Variants in LARGE1 observed in about 807,000 individuals in gnomAD.
The protein encoded by LARGE1 is LARGE xylosyl- and glucuronyltransferase 1.
LARGE1 carries 43 observed loss-of-function variants against 87.6 expected under a neutral mutation model. The ratio of observed to expected loss-of-function variants is 0.49; its 90% confidence interval spans 0.38 to 0.63. The LOEUF (loss-of-function observed/expected upper bound fraction) is 0.63, where lower values mean the gene tolerates loss of function less well. Among genes scored for constraint, LARGE1 ranks in the 30% least tolerant of loss-of-function variants. The pLI is 0.00. For synonymous variants in LARGE1, 434 were observed against 394.6 expected, an observed-to-expected ratio of 1.10 and a Z score of -1.18; for missense variants, 802 against 1,000.2, an observed-to-expected ratio of 0.80 and a Z score of 2.67.
At chr22:33,476,725 G>GA (rs935625552) in intron 6 of LARGE1, among the ~76,000 whole-genome samples, 8 of 80,688 alleles carry the variant, frequency 9.9e-5, no homozygotes, top group African/African-American at 5.5e-4. Context: ...AAGAATACTA[G>GA]GTATTAACTA....
chr22:33,112,325 G>A, the LARGE1 span, among the ~76,000 whole-genome samples: 1 of 152,218 alleles, frequency 6.6e-6, no homozygotes, highest in Non-Finnish European at 1.5e-5. Flanking sequence ...ACTGAGTTAA[G>A]TCTCACATTT....
At chr22:33,420,561 G>C (rs1445597207) in intron 7 of LARGE1, among the ~76,000 whole-genome samples, 1 of 152,194 alleles carries the variant, frequency 6.6e-6, no homozygotes, top group African/African-American at 2.4e-5. Context: ...AGAGTGGCTG[G>C]AGTGGAGCGA....
At chr22:33,634,872 T>C (rs989658869) in intron 3 of LARGE1, among the ~76,000 whole-genome samples, 4 of 152,058 alleles carry the variant, frequency 2.6e-5, no homozygotes, top group South Asian at 2.1e-4. Context: ...CTCACGCCTG[T>C]AATCCCAGCA....
intron 6 of LARGE1, among the ~76,000 whole-genome samples, chr22:33,560,037 C>T (rs1432251304): frequency 6.6e-6 from 1 of 152,144 alleles, no homozygotes; most frequent in Admixed American, 6.5e-5. Flanking sequence ...TCTCTTACTC[C>T]TCTTCAAGGG....
chr22:33,426,928 T>C (rs1285842173), intron 7 of LARGE1, among the ~76,000 whole-genome samples: 1 of 152,242 alleles, frequency 6.6e-6, no homozygotes, highest in African/African-American at 2.4e-5. Flanking sequence ...TGGGGTCCCA[T>C]GCAAATAAAC....
chr22:33,708,152 G>GA (rs942522725), intron 2 of LARGE1, among the ~76,000 whole-genome samples: 1 of 150,626 alleles, frequency 6.6e-6, no homozygotes, highest in African/African-American at 2.4e-5. Context: ...TCCCAGAGGA[G>GA]AAAAGAGTGT....
chr22:33,812,982 C>A (rs940382204), intron 1 of LARGE1, among the ~76,000 whole-genome samples: 3 of 152,118 alleles, frequency 2.0e-5, no homozygotes, highest in Non-Finnish European at 4.4e-5. Flanking sequence ...TTAGGTGGTA[C>A]CAAATTGGCA....
At chr22:33,607,540 C>G (rs1197302679) in intron 4 of LARGE1, among the ~76,000 whole-genome samples, 1 of 145,198 alleles carries the variant, frequency 6.9e-6, no homozygotes, top group Non-Finnish European at 1.5e-5. Context: ...TTCAGGAGAA[C>G]AGATATTAGA....
At chr22:33,746,274 T>C (rs527960401) in intron 2 of LARGE1, 3 of 152,198 alleles carry the variant, frequency 2.0e-5, no homozygotes, top group Non-Finnish European at 4.4e-5. Context: ...ACCTACTTCA[T>C]AGGACAGTTC....
intron 1 of LARGE1, among the ~76,000 whole-genome samples, chr22:33,889,420 T>C (rs1042474934): frequency 6.6e-6 from 1 of 152,238 alleles, no homozygotes; most frequent in South Asian, 2.1e-4. Flanking sequence ...GCCCATCCAT[T>C]CAGAAGTTTG....
intron 9 of LARGE1, among the ~76,000 whole-genome samples, chr22:33,369,595 T>C (rs1439255365): frequency 6.6e-6 from 1 of 152,208 alleles, no homozygotes; most frequent in African/African-American, 2.4e-5. Flanking sequence ...GACAGAGTCT[T>C]GCTCTATAGC....
intron 7 of LARGE1, among the ~76,000 whole-genome samples, chr22:33,399,706 G>A (rs1004038699): frequency 2.6e-5 from 4 of 152,084 alleles, no homozygotes; most frequent in South Asian, 2.1e-4. Flanking sequence ...CTGCCACCAT[G>A]CCCGGCTAAT....
At chr22:33,365,834 T>C (rs2064567101) in intron 9 of LARGE1, among the ~76,000 whole-genome samples, 1 of 152,226 alleles carries the variant, frequency 6.6e-6, no homozygotes, top group African/African-American at 2.4e-5. Context: ...CAGGCTGGTA[T>C]CGAACTCCTG....
intron 10 of LARGE1, among the ~76,000 whole-genome samples, chr22:33,330,012 A>AC (rs56709273): frequency 7.0e-4 from 92 of 131,758 alleles, no homozygotes; most frequent in African/African-American, 3.5e-3. Flanking sequence ...CAGAACAACA[A>AC]AAAAAAACCC....
Position 33,650,464 on chromosome 22 carries a change from A to ATGGAGTAGGTCT in LARGE1, c.299_310dup (p.Lys100_Ser103dup). Reference sequence around the variant, plus strand: ...CTCGCTGTCTCCAGTGCCCTCCTCCATGGAGTAGGTCTTGGAGTGGTTGCC... The same window carrying ATGGAGTAGGTCT: ...CTCGCTGTCTCCAGTGCCCTCCTCCATGGAGTAGGTCTTGGAGTAGGTCTTGGAGTGGTTGCC... On this transcript the variant is annotated inframe_insertion, in exon 3 of 15. Transcript: ENST00000397394. 1 of 1,614,014 alleles carries ATGGAGTAGGTCT rather than the reference A, an allele frequency of 6.2e-7. No individual in the cohort carries two copies. Among genetic ancestry groups the ATGGAGTAGGTCT allele is most frequent in the Non-Finnish European group, 8.5e-7 (1 of 1,180,030 alleles).
At chr22:33,176,369 C>T (rs766474867) in intron 11 of LARGE1, among the ~76,000 whole-genome samples, 9 of 152,066 alleles carry the variant, frequency 5.9e-5, no homozygotes, top group Non-Finnish European at 1.2e-4. Context: ...GAACAGGCAA[C>T]CTACAGAATG....
At chr22:33,574,072 A>C (rs2078282483) in intron 5 of LARGE1, among the ~76,000 whole-genome samples, 1 of 152,192 alleles carries the variant, frequency 6.6e-6, no homozygotes. Context: ...CAATGTGGGA[A>C]GGGACTAGAC....
intron 11 of LARGE1, among the ~76,000 whole-genome samples, chr22:33,189,300 T>C (rs554466951): frequency 4.7e-4 from 71 of 152,264 alleles, no homozygotes; most frequent in African/African-American, 1.7e-3. Flanking sequence ...CATGCTCCCA[T>C]TGTAATGGCT....
chr22:33,851,970 T>A (rs994267314), intron 1 of LARGE1, among the ~76,000 whole-genome samples: 4 of 152,162 alleles, frequency 2.6e-5, no homozygotes, highest in African/African-American at 9.7e-5. Flanking sequence ...GATTGAGTGG[T>A]CTTGTTTTTG....
Sources: allele counts gnomAD v4.1 joint callset (sites outside exome capture counted in the v4.1 genomes callset), GRCh38; gene constraint gnomAD v4.1.1; transcripts MANE v1.5; gene names NCBI Gene and HGNC (gene_info 2026-07-23, HGNC 2026-07-21).